RNF38: variants seen among roughly 807,000 people sequenced by gnomAD.
RNF38 encodes E3 ubiquitin-protein ligase RNF38.
A neutral mutation model predicts 67.2 loss-of-function variants in RNF38; 15 were observed. The ratio of observed to expected loss-of-function variants is 0.22; its 90% CI spans 0.15 to 0.34. The LOEUF is 0.34. Ranked by LOEUF, RNF38 falls within the 10% of genes least tolerant of loss-of-function variation. RNF38 has a pLI of 1.00. For synonymous variants in RNF38, 220 were observed against 218.8 expected (o/e 1.01, Z -0.05); for missense variants, 524 against 639.9 (o/e 0.82, Z 1.95).
chr9:36,477,339 A>G (rs1020029775), intron 1 of RNF38, among the ~76,000 whole-genome samples: 2 of 151,000 alleles, frequency 1.3e-5, no homozygotes, highest in African/African-American at 4.9e-5. Context: ...AAAAAAAAAG[A>G]TTACCTTGCA....
chr9:36,350,959 A>G (rs1471297494), intron 9 of RNF38, among the ~76,000 whole-genome samples, 156 bp downstream of exon 9: 1 of 152,202 alleles, frequency 6.6e-6, no homozygotes, highest in Non-Finnish European at 1.5e-5. Flanking sequence ...TACTATTAGT[A>G]TTAGTGTATC....
intron 1 of RNF38, among the ~76,000 whole-genome samples, chr9:36,462,139 G>A (rs1245793814): frequency 6.6e-6 from 1 of 152,182 alleles, no homozygotes; most frequent in Non-Finnish European, 1.5e-5. Context: ...AGTAAGATGT[G>A]GTCTGAATAT....
At chr9:36,452,992 C>T (rs1251493111) in intron 1 of RNF38, among the ~76,000 whole-genome samples, 2 of 152,096 alleles carry the variant, frequency 1.3e-5, no homozygotes, top group African/African-American at 4.8e-5. Context: ...TGTAGACTTA[C>T]GTTTTCAATT....
intron 1 of RNF38, among the ~76,000 whole-genome samples, chr9:36,465,976 C>T (rs533118731): frequency 1.3e-5 from 2 of 152,216 alleles, no homozygotes; most frequent in African/African-American, 2.4e-5. Flanking sequence ...GGTGTGAACC[C>T]AGGAGGCGGA....
intron 1 of RNF38, among the ~76,000 whole-genome samples, chr9:36,482,060 T>A (rs1369367870): frequency 1.3e-5 from 2 of 150,336 alleles, no homozygotes; most frequent in Non-Finnish European, 3.0e-5. Context: ...TTTTTTTTTT[T>A]TTTTTTTTTT....
At chr9:36,482,635 G>A (rs1587224513) in intron 1 of RNF38, among the ~76,000 whole-genome samples, 2 of 152,212 alleles carry the variant, frequency 1.3e-5, no homozygotes, top group East Asian at 1.9e-4. Flanking sequence ...TTATAAGCGT[G>A]AGCCACTGCG....
rs369087477 is a variant in RNF38 at position 36,351,118 on chromosome 9, G to A, written c.1260C>T (p.Tyr420=). 20 of 1,603,444 alleles carry A rather than the reference G, an allele frequency of 1.2e-5. No homozygotes were observed. Among genetic ancestry groups the A allele is most frequent in the Admixed American group, 3.3e-5 (2 of 59,768 alleles). The part of the protein sequence containing the change: ...LDVEDGEVEN[Y]EALLNLAERL... The stretch of plus-strand genomic sequence containing the variant: ...AATTCACAATTCATCTACTAACCTC[G>A]TAATTTTCTACTTCTCCATCTTCTA... Residue 420 remains tyrosine, a synonymous_variant, in exon 9 of 12, where the codon TAC becomes TAT. Coordinates refer to ENST00000259605, the MANE Select transcript of RNF38 (RefSeq NM_022781.5).
At chr9:36,445,195 A>T (rs1029469425) in intron 1 of RNF38, among the ~76,000 whole-genome samples, 5 of 152,202 alleles carry the variant, frequency 3.3e-5, no homozygotes, top group Admixed American at 6.5e-5. Flanking sequence ...TATCAGCAAT[A>T]AATAGCAAGT....
chr9:36,403,802 T>C (rs1838116937), upstream of RNF38, among the ~76,000 whole-genome samples: 1 of 152,204 alleles, frequency 6.6e-6, no homozygotes, highest in South Asian at 2.1e-4. Flanking sequence ...AGTGAACAAA[T>C]TCAGCCTATT....
intron 6 of RNF38, among the ~76,000 whole-genome samples, chr9:36,355,480 T>A (rs1587489700): frequency 6.6e-6 from 1 of 152,314 alleles, no homozygotes; most frequent in East Asian, 1.9e-4. Flanking sequence ...GACTACCTCA[T>A]CTGCTTTTCA....
Position 36,400,180 on chromosome 9 carries a change from CCT to C in RNF38, c.-74_-73del. 1.3e-6 allele frequency: 2 copies of C among 1,591,818 alleles called. No individual in the cohort carries two copies. The highest frequency in any genetic ancestry group is 1.7e-6 in the Non-Finnish European group (2 of 1,169,796). On this transcript the variant is annotated 5_prime_UTR_variant, in exon 1 of 12. Transcript: ENST00000259605. ...GAAACACTCCCGTTTCAAAAACCAA[CCT>C]CTCTCACGCTTCAACCCTGAAAGGA... is the stretch of plus-strand genomic sequence containing the variant.
chr9:36,357,492 G>A (rs1056301233), intron 5 of RNF38, among the ~76,000 whole-genome samples: 2 of 152,054 alleles, frequency 1.3e-5, no homozygotes, highest in Non-Finnish European at 2.9e-5. Flanking sequence ...TTGACCCTCA[G>A]GATATCCAAA....
Position 36,419,715 on chromosome 9 carries a change from G to C in RNF38, n.312+4898C>G, listed in dbSNP as rs546576759. Among the ~76,000 whole-genome samples the C allele has an allele frequency of 5.9e-5, 9 of 152,262 alleles. No homozygotes were observed. In the East Asian group the frequency reaches 1.5e-3, roughly 26 times the overall value. ...ACGGCATCTGTATTCCCAGCTACTT[G>C]GGAAGGCTGAGGTGGGAGAATCCCT... On this transcript the variant is annotated intron_variant and non_coding_transcript_variant, in intron 2 of 3. Transcript: ENST00000488058.
At position 36,429,662 on chromosome 9, in the gene RNF38, C is replaced by T. The variant is rs10972897; in HGVS notation, n.242-4979G>A. Among the ~76,000 whole-genome samples the T allele has an allele frequency of 2.8e-3, 430 of 152,144 alleles. 1 individual carries two copies. Among genetic ancestry groups the T allele is most frequent in the Non-Finnish European group, 4.3e-3 (295 of 67,998 alleles). The stretch of plus-strand genomic sequence containing the variant: ...TACAAAAATTAGCCACGCATGGTGG[C>T]GGGCACCTGTAATCCCAGCTACTCG... On this transcript the variant is annotated intron_variant and non_coding_transcript_variant, in intron 1 of 3. Transcript: ENST00000488058.
intron 1 of RNF38, among the ~76,000 whole-genome samples, chr9:36,462,437 C>T (rs1466295138): frequency 6.6e-6 from 1 of 152,048 alleles, no homozygotes; most frequent in African/African-American, 2.4e-5. Context: ...GAAGTCATAC[C>T]ATATATCACC....
intron 2 of RNF38, among the ~76,000 whole-genome samples, chr9:36,407,387 C>A (rs1889278): frequency 0.055 from 8,322 of 152,172 alleles, 703 homozygotes; most frequent in African/African-American, 0.18. Flanking sequence ...TGACAGAGGG[C>A]AAGCTCATGG....
chr9:36,347,434 C>T (rs963835382), intron 9 of RNF38, among the ~76,000 whole-genome samples: 3 of 152,100 alleles, frequency 2.0e-5, no homozygotes, highest in Non-Finnish European at 2.9e-5. Flanking sequence ...TCAATTTTTC[C>T]AACAGTCATG....
chr9:36,336,400 T>C lies in RNF38; in HGVS notation c.*3352A>G, dbSNP rs1009712389. 2 of 151,838 alleles carry C rather than the reference T, an allele frequency of 1.3e-5. No homozygotes were observed. The highest frequency in any genetic ancestry group is 1.3e-4 in the Admixed American group (2 of 15,160). 9.4% of individuals were successfully genotyped at this position (151,838 alleles called of 1,614,324 possible). ...ACAGTGACATGAAACACAACAGATG[T>C]TTTAAGTGTACATCATACATTTATT... On this transcript the variant is annotated 3_prime_UTR_variant, in exon 12 of 12. Transcript: ENST00000259605.
chr9:36,469,940 C>T (rs1309554019), intron 1 of RNF38, among the ~76,000 whole-genome samples: 1 of 152,146 alleles, frequency 6.6e-6, no homozygotes, highest in Non-Finnish European at 1.5e-5. Flanking sequence ...GATCATGCCA[C>T]TGCACTCTAG....
Sources: gnomAD v4.1 joint callset for allele counts (sites outside exome capture counted in the v4.1 genomes callset) on GRCh38, gnomAD v4.1.1 for gene constraint, MANE v1.5 for transcripts, NCBI Gene and HGNC (gene_info 2026-07-23, HGNC 2026-07-21) for gene names.